Variants in MARCHF1 observed in about 807,000 individuals in gnomAD.
MARCHF1 encodes E3 ubiquitin-protein ligase MARCHF1.
A neutral mutation model predicts 54.2 loss-of-function variants in MARCHF1; 40 were observed. The ratio of observed to expected loss-of-function variants is 0.74; its 90% CI spans 0.57 to 0.96. The LOEUF (loss-of-function observed/expected upper bound fraction) is 0.96. Ranked by LOEUF, MARCHF1 falls within the 40% of genes least tolerant of loss-of-function variation. The probability of loss-of-function intolerance (pLI) is 0.00; values close to 1 mark genes in which losing one functional copy is unlikely to be tolerated. For synonymous variants in MARCHF1, 236 were observed against 236.3 expected, an observed-to-expected ratio of 1.00 and a Z score of 0.01; for missense variants, 586 against 656.5, an observed-to-expected ratio of 0.89 and a Z score of 1.17.
chr4:163,564,873 C>CTT (rs34689838), intron 8 of MARCHF1, among the ~76,000 whole-genome samples: 7 of 147,692 alleles, frequency 4.7e-5, no homozygotes, highest in African/African-American at 1.5e-4. Context: ...TGGGGAAACA[C>CTT]TTTTTTTTTT....
chr4:164,134,356 G>C (rs944359530), intron 1 of MARCHF1, among the ~76,000 whole-genome samples: 3 of 152,076 alleles, frequency 2.0e-5, no homozygotes, highest in African/African-American at 7.2e-5. Context: ...AATTTCTGTT[G>C]GCTGCTGAAA....
chr4:164,294,169 G>A (rs966127309), intron 1 of MARCHF1, among the ~76,000 whole-genome samples: 13 of 152,168 alleles, frequency 8.5e-5, no homozygotes, highest in African/African-American at 2.9e-4. Context: ...TTAGGCCTTC[G>A]GCCACAGACT....
At chr4:163,723,091 C>T (rs911647214) in intron 4 of MARCHF1, among the ~76,000 whole-genome samples, 5 of 152,132 alleles carry the variant, frequency 3.3e-5, no homozygotes, top group Non-Finnish European at 5.9e-5. Flanking sequence ...TTATTTTGCT[C>T]GTTAGTTGAT....
At chr4:164,300,118 A>G (rs1258241701) in intron 1 of MARCHF1, among the ~76,000 whole-genome samples, 2 of 152,128 alleles carry the variant, frequency 1.3e-5, no homozygotes, top group African/African-American at 2.4e-5. Context: ...TTCTAAAACA[A>G]TAGGCACTCA....
chr4:163,974,323 C>T (rs1311025624), intron 3 of MARCHF1, among the ~76,000 whole-genome samples: 1 of 152,126 alleles, frequency 6.6e-6, no homozygotes, highest in African/African-American at 2.4e-5. Context: ...GCTAAGCTTC[C>T]ATTAAGAAAT....
At chr4:164,193,934 C>G (rs901343003) in intron 1 of MARCHF1, among the ~76,000 whole-genome samples, 13 of 152,138 alleles carry the variant, frequency 8.5e-5, no homozygotes, top group Non-Finnish European at 1.9e-4. Context: ...TAGTAAGCAG[C>G]TTTAATGTTC....
At chr4:163,618,015 C>G (rs1278705560) in intron 5 of MARCHF1, among the ~76,000 whole-genome samples, 1 of 152,120 alleles carries the variant, frequency 6.6e-6, no homozygotes. Flanking sequence ...ACACAGCTTT[C>G]CTTTGGAGAG....
intron 9 of MARCHF1, among the ~76,000 whole-genome samples, chr4:163,536,491 T>C (rs1484706067): frequency 1.3e-5 from 2 of 152,174 alleles, no homozygotes; most frequent in African/African-American, 2.4e-5. Flanking sequence ...CCGTGTGCAG[T>C]ATGAGCTCAC....
intron 1 of MARCHF1, among the ~76,000 whole-genome samples, chr4:164,227,039 T>C (rs1265334262): frequency 4.6e-5 from 7 of 152,082 alleles, no homozygotes; most frequent in Admixed American, 4.6e-4. Flanking sequence ...CACTGAATAA[T>C]AAATTTGTTA....
intron 4 of MARCHF1, among the ~76,000 whole-genome samples, chr4:163,786,631 T>C (rs932514080): frequency 5.9e-5 from 9 of 151,908 alleles, no homozygotes; most frequent in Non-Finnish European, 1.2e-4. Flanking sequence ...GACTTACATA[T>C]CAAAAAAAGT....
chr4:163,803,884 C>G (rs149204010), intron 4 of MARCHF1, among the ~76,000 whole-genome samples: 3 of 152,308 alleles, frequency 2.0e-5, no homozygotes, highest in Non-Finnish European at 4.4e-5. Flanking sequence ...CACTTGTAAA[C>G]CAAGCACTGA....
chr4:163,947,510 CAG>C (rs1406422387), intron 3 of MARCHF1, among the ~76,000 whole-genome samples: 2 of 152,178 alleles, frequency 1.3e-5, no homozygotes, highest in Non-Finnish European at 2.9e-5. Flanking sequence ...GCAGAAGTGT[CAG>C]AGTCAGAGAA....
chr4:163,675,375 G>C (rs1743878047), intron 5 of MARCHF1, among the ~76,000 whole-genome samples: 1 of 152,166 alleles, frequency 6.6e-6, no homozygotes, highest in South Asian at 2.1e-4. Context: ...TTAAGTAAGT[G>C]AAAAATAAAT....
chr4:164,217,458 G>A (rs1434384542), intron 1 of MARCHF1, among the ~76,000 whole-genome samples: 7 of 152,136 alleles, frequency 4.6e-5, no homozygotes, highest in Non-Finnish European at 1.0e-4. Flanking sequence ...ATAAGCCTTT[G>A]GGAAATGTAC....
intron 3 of MARCHF1, among the ~76,000 whole-genome samples, chr4:163,866,384 A>C (rs72685648): frequency 0.09 from 13,362 of 148,984 alleles, 622 homozygotes; most frequent in African/African-American, 0.1. Context: ...ATATACATGT[A>C]GAATGAAAAT....
rs767058291 is a variant in MARCHF1 at position 163,894,830 on chromosome 4, T to TAC, written c.-38-40662_-38-40661insGT. Among the ~76,000 whole-genome samples the TAC allele has an allele frequency of 5.6e-3, 126 of 22,508 alleles. 42 individuals are homozygous for TAC. Among genetic ancestry groups the TAC allele is most frequent in the South Asian group, 0.028 (8 of 290 alleles). The allele number at this position is 22,508 out of a possible 152,430, so 14.8% of individuals were successfully genotyped here. A position where few individuals can be genotyped will look rare whatever the true frequency, so the allele number is the denominator to read the frequency against. On this transcript the variant is annotated intron_variant, in intron 3 of 9. Transcript: ENST00000514618. ...TATACATGCATGTGATGCATATATA[T>TAC]ATGCATGTGATGCATATATATATGC...
At chr4:163,831,431 G>A (rs1749021064) in intron 4 of MARCHF1, among the ~76,000 whole-genome samples, 1 of 152,044 alleles carries the variant, frequency 6.6e-6, no homozygotes, top group Admixed American at 6.6e-5. Context: ...AACAGTAAAA[G>A]TAAAAATAAA....
intron 3 of MARCHF1, among the ~76,000 whole-genome samples, chr4:163,863,531 T>C (rs948887722): frequency 6.6e-6 from 1 of 152,016 alleles, no homozygotes; most frequent in African/African-American, 2.4e-5. Flanking sequence ...TAATAATGGG[T>C]CAGAGTTGGA....
At chr4:163,730,269 T>C (rs1243723520) in intron 4 of MARCHF1, among the ~76,000 whole-genome samples, 1 of 152,162 alleles carries the variant, frequency 6.6e-6, no homozygotes. Context: ...TCTATATTGC[T>C]ATTTCTATTT....
Sources: allele counts gnomAD v4.1 joint callset (sites outside exome capture counted in the v4.1 genomes callset), GRCh38; gene constraint gnomAD v4.1.1; transcripts MANE v1.5; gene names NCBI Gene and HGNC (gene_info 2026-07-23, HGNC 2026-07-21).